The following FAM228B variants were observed in gnomAD, a reference collection of about 807,000 sequenced individuals.
FAM228B encodes family with sequence similarity 228 member B, also known as protein FAM228B.
A neutral mutation model predicts 42.6 loss-of-function variants in FAM228B; 38 were observed. The ratio of observed to expected loss-of-function variants is 0.89; its 90% CI spans 0.69 to 1.17. The LOEUF is 1.17. FAM228B is among the 50% of genes most tolerant of loss of function. The pLI is 0.00. For synonymous variants in FAM228B, 109 were observed against 122.3 expected, an observed-to-expected ratio of 0.89 and a Z score of 0.72; for missense variants, 344 against 367.3, an observed-to-expected ratio of 0.94 and a Z score of 0.52.
At chr2:24,161,129 T>G (rs1485435603) in intron 7 of FAM228B, among the ~76,000 whole-genome samples, 1 of 152,194 alleles carries the variant, frequency 6.6e-6, no homozygotes, top group Non-Finnish European at 1.5e-5. Flanking sequence ...CCTATATAAA[T>G]GTAAGCTAGT....
upstream of FAM228B, chr2:24,123,101 AC>A: frequency 6.6e-6 from 1 of 152,078 alleles, no homozygotes; most frequent in East Asian, 1.9e-4. Context: ...CAAGCCTTGG[AC>A]CCCCCTCATC....
At chr2:24,098,455 C>T (rs1342300395) in intron 3 of FAM228B, among the ~76,000 whole-genome samples, 1 of 152,040 alleles carries the variant, frequency 6.6e-6, no homozygotes, top group African/African-American at 2.4e-5. Flanking sequence ...GGGATATCAC[C>T]ACCAATCCCA....
At chr2:24,120,283 C>CAA (rs1553329197), upstream of FAM228B, among the ~76,000 whole-genome samples, 1,071 of 150,936 alleles carry the variant, frequency 7.1e-3, 9 homozygotes, top group African/African-American at 0.025. Flanking sequence ...AAAAAAACAA[C>CAA]AACAAAACAA....
intron 2 of FAM228B, among the ~76,000 whole-genome samples, chr2:24,131,674 G>A (rs1324966555): frequency 6.6e-6 from 1 of 152,130 alleles, no homozygotes; most frequent in Non-Finnish European, 1.5e-5. Flanking sequence ...TTTGCACATC[G>A]ATTTTGTATT....
intron 5 of FAM228B, among the ~76,000 whole-genome samples, chr2:24,143,375 C>T (rs905091416): frequency 2.0e-5 from 3 of 152,028 alleles, no homozygotes; most frequent in East Asian, 3.9e-4. Context: ...TTGTTGTTTT[C>T]AGTAGAGATG....
At chr2:24,119,697 T>C, upstream of FAM228B, 3 of 1,585,960 alleles carry the variant, frequency 1.9e-6, no homozygotes, top group Non-Finnish European at 2.6e-6. Flanking sequence ...ATAAAGAATA[T>C]AAGAGAATAT....
At chr2:24,115,406 C>A (rs1665881647) in intron 3 of FAM228B, 2 of 601,146 alleles carry the variant, frequency 3.3e-6, no homozygotes, top group Admixed American at 3.0e-5. Flanking sequence ...AACAGTTGAT[C>A]AAGTAATTCC....
chr2:24,123,901 C>T (rs375518914), intron 1 of FAM228B, among the ~76,000 whole-genome samples: 6 of 152,170 alleles, frequency 3.9e-5, no homozygotes, highest in African/African-American at 1.2e-4. Flanking sequence ...GCTCAGAGCT[C>T]GAAGACTCGC....
chr2:24,146,095 TTAACTC>T lies in FAM228B; in HGVS notation c.442-649_442-644del, dbSNP rs550561699. On this transcript the variant is annotated intron_variant, in intron 5 of 10. Transcript: ENST00000615575. The stretch of plus-strand genomic sequence containing the variant: ...TTATACTGGGCAGTCTGATCACCGT[TTAACTC>T]TAATAGTCATGATGTGTATTGTAAC... Among the ~76,000 whole-genome samples the T allele has an allele frequency of 2.9e-4, 44 of 152,318 alleles. 1 individual carries two copies. The South Asian group carries it at 6.2e-3, about 22-fold the overall frequency.
intron 7 of FAM228B, among the ~76,000 whole-genome samples, chr2:24,160,931 T>C (rs1667270337): frequency 1.3e-5 from 2 of 152,258 alleles, no homozygotes; most frequent in South Asian, 4.1e-4. Flanking sequence ...CTTTGGAGTT[T>C]AAGCTCTTAG....
chr2:24,148,773 A>G (rs1426811257), intron 7 of FAM228B, among the ~76,000 whole-genome samples: 2 of 152,142 alleles, frequency 1.3e-5, no homozygotes, highest in Non-Finnish European at 2.9e-5. Context: ...TTAAAGTGTT[A>G]TTGACTATAG....
At chr2:24,116,023 T>A (rs1209757118) in intron 3 of FAM228B, among the ~76,000 whole-genome samples, 2 of 152,058 alleles carry the variant, frequency 1.3e-5, no homozygotes, top group Non-Finnish European at 2.9e-5. Context: ...ATGTATTCTA[T>A]GACCTAGACT....
chr2:24,104,843 C>T (rs2150997408), intron 3 of FAM228B, among the ~76,000 whole-genome samples: 1 of 152,344 alleles, frequency 6.6e-6, no homozygotes, highest in African/African-American at 2.4e-5. Flanking sequence ...ATAACACCTG[C>T]TAGAGCTTCT....
intron 1 of FAM228B, chr2:24,078,781 C>T (rs898336901): frequency 9.2e-5 from 14 of 152,346 alleles, no homozygotes; most frequent in Admixed American, 3.9e-4. Flanking sequence ...GATGCTTAAG[C>T]TCTCCTGTCC....
At chr2:24,094,515 TG>T (rs920720355) in intron 2 of FAM228B, among the ~76,000 whole-genome samples, 20 of 152,320 alleles carry the variant, frequency 1.3e-4, no homozygotes, top group African/African-American at 3.8e-4. Context: ...GACAGAGTCT[TG>T]TTCTGTTGCT....
intron 2 of FAM228B, chr2:24,081,051 G>A: frequency 6.2e-7 from 1 of 1,602,134 alleles, no homozygotes; most frequent in South Asian, 1.1e-5. Context: ...AAAGTACAGG[G>A]TTCTCTTTAC....
chr2:24,126,095 G>A (rs1666303763), intron 2 of FAM228B, among the ~76,000 whole-genome samples: 1 of 152,178 alleles, frequency 6.6e-6, no homozygotes, highest in African/African-American at 2.4e-5. Flanking sequence ...GTTGATTCCA[G>A]TTTGGGGCTA....
At chr2:24,103,297 ACAGCAGATCTT>A (rs1665642395) in intron 3 of FAM228B, among the ~76,000 whole-genome samples, 1 of 152,216 alleles carries the variant, frequency 6.6e-6, no homozygotes, top group Non-Finnish European at 1.5e-5. Flanking sequence ...GTCCTCAACT[ACAGCAGATCTT>A]TTTCAGGAAA....
upstream of FAM228B, chr2:24,122,426 C>G: frequency 6.2e-7 from 1 of 1,609,806 alleles, no homozygotes; most frequent in South Asian, 1.1e-5. Flanking sequence ...TACATTGAAA[C>G]CTGGTGATGC....
Sources: gnomAD v4.1 joint callset for allele counts (sites outside exome capture counted in the v4.1 genomes callset) on GRCh38, gnomAD v4.1.1 for gene constraint, MANE v1.5 for transcripts, NCBI Gene and HGNC (gene_info 2026-07-23, HGNC 2026-07-21) for gene names.